SNX18: variants seen among roughly 807,000 people sequenced by gnomAD.
SNX18 encodes sorting nexin 18, also known as sorting nexin-18.
SNX18 carries 35 observed loss-of-function variants against 48.7 expected under a neutral mutation model. The ratio of observed to expected loss-of-function variants is 0.72; its 90% CI spans 0.55 to 0.95. The LOEUF (loss-of-function observed/expected upper bound fraction) is 0.95, where lower values mean the gene tolerates loss of function less well. Ranked by LOEUF, SNX18 falls within the 40% of genes least tolerant of loss-of-function variation. SNX18 has a pLI of 0.00. For missense variants in SNX18, 824 were observed against 871.0 expected (o/e 0.95, Z 0.68); for synonymous variants, 492 against 384.7 (o/e 1.28, Z -3.26).
At chr5:54,569,960 T>C in the SNX18 span, among the ~76,000 whole-genome samples, 1 of 152,214 alleles carries the variant, frequency 6.6e-6, no homozygotes, top group Non-Finnish European at 1.5e-5. Context: ...TTTATATATA[T>C]AACATGGACA....
At chr5:54,625,893 A>G in the SNX18 span, among the ~76,000 whole-genome samples, 3 of 152,206 alleles carry the variant, frequency 2.0e-5, no homozygotes, top group African/African-American at 7.2e-5. Context: ...ATGGAGCCTC[A>G]GTGGCCAACT....
the SNX18 span, among the ~76,000 whole-genome samples, chr5:54,618,311 A>T: frequency 2.2e-4 from 34 of 152,344 alleles, no homozygotes; most frequent in Admixed American, 1.7e-3. Flanking sequence ...TCTTTTACAA[A>T]TGACCCAGGC....
intron 1 of SNX18, among the ~76,000 whole-genome samples, chr5:54,523,519 C>T (rs1465465466): frequency 7.2e-5 from 11 of 152,170 alleles, no homozygotes; most frequent in Non-Finnish European, 1.5e-4. Context: ...AAATGTCTTT[C>T]TTCTAGAGAA....
the SNX18 span, among the ~76,000 whole-genome samples, chr5:54,586,213 T>G: frequency 6.6e-6 from 1 of 152,148 alleles, no homozygotes; most frequent in Non-Finnish European, 1.5e-5. Flanking sequence ...AAATTTTGTT[T>G]TCCTTTACCT....
the SNX18 span, among the ~76,000 whole-genome samples, chr5:54,569,166 A>C: frequency 6.6e-6 from 1 of 152,082 alleles, no homozygotes; most frequent in African/African-American, 2.4e-5. Context: ...CCAAATAAAA[A>C]TTGCTTTAGT....
chr5:54,638,626 T>C, the SNX18 span, among the ~76,000 whole-genome samples: 45 of 152,310 alleles, frequency 3.0e-4, no homozygotes, highest in South Asian at 5.4e-3. Flanking sequence ...GAGGAAAAAA[T>C]ATAGACCAAT....
chr5:54,627,660 G>C, the SNX18 span, among the ~76,000 whole-genome samples: 8 of 152,056 alleles, frequency 5.3e-5, no homozygotes, highest in Non-Finnish European at 1.0e-4. Flanking sequence ...GTGTCAAGCA[G>C]GAGGGAGCAC....
intron 1 of SNX18, among the ~76,000 whole-genome samples, chr5:54,536,128 G>T (rs1762350657): frequency 6.6e-6 from 1 of 152,200 alleles, no homozygotes; most frequent in African/African-American, 2.4e-5. Context: ...GCTCAGCCTA[G>T]GCGGCACTCT....
At chr5:54,601,009 G>T in the SNX18 span, among the ~76,000 whole-genome samples, 1 of 152,138 alleles carries the variant, frequency 6.6e-6, no homozygotes, top group Non-Finnish European at 1.5e-5. Flanking sequence ...GATTTAAAAA[G>T]ATGAACTATG....
chr5:54,557,132 A>T, the SNX18 span, among the ~76,000 whole-genome samples: 1 of 152,230 alleles, frequency 6.6e-6, no homozygotes, highest in Non-Finnish European at 1.5e-5. Flanking sequence ...CTTGCTAGCA[A>T]TTCATAAAAG....
rs1252361068 is a variant in SNX18 at position 54,544,551 on chromosome 5, G to C, written c.*1119G>C. On this transcript the variant is annotated 3_prime_UTR_variant, in exon 2 of 2. Transcript: ENST00000381410. ...TGTGGATTGATCTAAGGAGGGACCAGAAATAATTTTTGCTATTCCAAATAC... is the reference window on the plus strand; with the variant it reads ...TGTGGATTGATCTAAGGAGGGACCACAAATAATTTTTGCTATTCCAAATAC... 2 of 135,276 alleles carry C rather than the reference G, an allele frequency of 1.5e-5. No homozygotes were observed. The highest frequency in any genetic ancestry group is 2.7e-5 in the African/African-American group (1 of 36,892). The allele number at this position is 135,276 out of a possible 1,614,324, so 8.4% of individuals were successfully genotyped here.
At chr5:54,524,745 A>G (rs1023831708) in intron 1 of SNX18, among the ~76,000 whole-genome samples, 34 of 152,352 alleles carry the variant, frequency 2.2e-4, no homozygotes, top group Admixed American at 2.2e-3. Flanking sequence ...GACGTGTATC[A>G]TGTCTCATAT....
At chr5:54,575,720 T>C in the SNX18 span, among the ~76,000 whole-genome samples, 1 of 152,016 alleles carries the variant, frequency 6.6e-6, no homozygotes, top group African/African-American at 2.4e-5. Context: ...AGAAAGATAC[T>C]AGCCCCACCC....
At chr5:54,631,495 T>A in the SNX18 span, among the ~76,000 whole-genome samples, 29 of 152,376 alleles carry the variant, frequency 1.9e-4, no homozygotes, top group East Asian at 4.2e-3. Context: ...CTGGATATCA[T>A]AGTCCACATG....
At chr5:54,567,673 C>G in the SNX18 span, among the ~76,000 whole-genome samples, 9 of 152,158 alleles carry the variant, frequency 5.9e-5, no homozygotes, top group African/African-American at 2.2e-4. Context: ...CTTGAAGCAC[C>G]CAAGTGTCTG....
At chr5:54,641,121 C>T in the SNX18 span, among the ~76,000 whole-genome samples, 6 of 152,052 alleles carry the variant, frequency 3.9e-5, no homozygotes, top group African/African-American at 1.2e-4. Context: ...GACATGGTCC[C>T]GTAACTCTGT....
At chr5:54,611,146 G>T in the SNX18 span, among the ~76,000 whole-genome samples, 1 of 152,126 alleles carries the variant, frequency 6.6e-6, no homozygotes, top group African/African-American at 2.4e-5. Context: ...GACCTGCTGA[G>T]GAGTCTGTCA....
chr5:54,640,457 A>G, the SNX18 span, among the ~76,000 whole-genome samples: 2 of 152,068 alleles, frequency 1.3e-5, no homozygotes, highest in East Asian at 3.9e-4. Flanking sequence ...CTCCAGACTC[A>G]AGCAATCCAC....
chr5:54,606,110 G>A, the SNX18 span, among the ~76,000 whole-genome samples: 7 of 152,194 alleles, frequency 4.6e-5, no homozygotes, highest in Admixed American at 3.9e-4. Flanking sequence ...ATTATGCAGT[G>A]TAATGTACTA....
Sources: allele counts gnomAD v4.1 joint callset (sites outside exome capture counted in the v4.1 genomes callset), GRCh38; gene constraint gnomAD v4.1.1; transcripts MANE v1.5; gene names NCBI Gene and HGNC (gene_info 2026-07-23, HGNC 2026-07-21).